KCNK2: variants seen among roughly 807,000 people sequenced by gnomAD.
The protein encoded by KCNK2 is potassium channel subfamily K member 2.
KCNK2 carries 21 observed loss-of-function variants against 40.5 expected under a neutral mutation model. The ratio of observed to expected loss-of-function variants is 0.52; its 90% confidence interval spans 0.37 to 0.75. KCNK2 has a LOEUF of 0.75. Ranked by LOEUF, KCNK2 falls within the 30% of genes least tolerant of loss-of-function variation. KCNK2 has a pLI of 0.00. For synonymous variants in KCNK2, 191 were observed against 202.2 expected, an observed-to-expected ratio of 0.94 and a Z score of 0.47; for missense variants, 399 against 531.6, an observed-to-expected ratio of 0.75 and a Z score of 2.45.
chr1:215,049,430 C>T (rs1657902594), intron 1 of KCNK2, among the ~76,000 whole-genome samples: 1 of 152,118 alleles, frequency 6.6e-6, no homozygotes, highest in South Asian at 2.1e-4. Flanking sequence ...ATATTTCCTT[C>T]CAGTCTGTGG....
rs1298200508 is a variant in KCNK2 at position 215,121,647 on chromosome 1, CT to C, written c.358-2981del. On this transcript the variant is annotated intron_variant, in intron 2 of 6. Transcript: ENST00000444842. ...AAAAAATACATAATAATGTGTCTCA[CT>C]TTTTGAGTTTACAATGAAGTCTGCC... Among the ~76,000 whole-genome samples the C allele has an allele frequency of 3.9e-5, 6 of 152,248 alleles. No homozygotes were observed. In the East Asian group the frequency reaches 1.2e-3, roughly 29 times the overall value.
intron 1 of KCNK2, among the ~76,000 whole-genome samples, chr1:215,077,631 G>A (rs991166705): frequency 6.6e-6 from 1 of 151,814 alleles, no homozygotes; most frequent in African/African-American, 2.4e-5. Context: ...CACCTGACCT[G>A]GTTTCTACCT....
At chr1:215,177,941 G>A (rs1299786248) in intron 5 of KCNK2, among the ~76,000 whole-genome samples, 2 of 151,254 alleles carry the variant, frequency 1.3e-5, no homozygotes, top group Non-Finnish European at 3.0e-5. Flanking sequence ...AATAGAAATA[G>A]CGTTGAGTCT....
At chr1:215,150,177 C>A (rs1366892672) in intron 3 of KCNK2, among the ~76,000 whole-genome samples, 1 of 151,958 alleles carries the variant, frequency 6.6e-6, no homozygotes, top group African/African-American at 2.4e-5. Context: ...ATATCTAACC[C>A]AAGTAACAAC....
chr1:215,023,407 A>G (rs754557444), intron 1 of KCNK2, among the ~76,000 whole-genome samples: 1 of 152,170 alleles, frequency 6.6e-6, no homozygotes, highest in Non-Finnish European at 1.5e-5. Context: ...TTAATGAATC[A>G]CCTTTTAAAA....
chr1:215,120,038 G>C (rs531680519), intron 2 of KCNK2, among the ~76,000 whole-genome samples: 1 of 152,228 alleles, frequency 6.6e-6, no homozygotes, highest in South Asian at 2.1e-4. Flanking sequence ...CCTCATGGTA[G>C]ACTCATTCTC....
chr1:215,009,830 T>A (rs1656314550), intron 1 of KCNK2, among the ~76,000 whole-genome samples: 1 of 152,178 alleles, frequency 6.6e-6, no homozygotes, highest in Admixed American at 6.5e-5. Flanking sequence ...GAATTCTCTG[T>A]CTTCTCTACT....
intron 3 of KCNK2, among the ~76,000 whole-genome samples, chr1:215,150,313 G>A (rs1248976704): frequency 6.6e-6 from 1 of 152,120 alleles, no homozygotes; most frequent in Non-Finnish European, 1.5e-5. Flanking sequence ...TAACTTATTT[G>A]TATTCTATTT....
At chr1:215,215,298 CTT>C (rs980013916) in intron 6 of KCNK2, among the ~76,000 whole-genome samples, 14 of 151,884 alleles carry the variant, frequency 9.2e-5, no homozygotes, top group Admixed American at 4.6e-4. Flanking sequence ...TCCTCTGCCT[CTT>C]GTCTCCTTCT....
chr1:215,012,885 A>G (rs1221132695), intron 1 of KCNK2, among the ~76,000 whole-genome samples: 1 of 152,004 alleles, frequency 6.6e-6, no homozygotes, highest in Non-Finnish European at 1.5e-5. Flanking sequence ...TTGATAAAGA[A>G]CAATTGATGA....
intron 5 of KCNK2, among the ~76,000 whole-genome samples, chr1:215,172,540 A>T (rs1192678946): frequency 6.6e-6 from 1 of 152,166 alleles, no homozygotes; most frequent in Non-Finnish European, 1.5e-5. Flanking sequence ...CTCTGCAGCC[A>T]AATTCCCTTC....
chr1:215,110,068 T>C (rs1660613685), intron 2 of KCNK2, among the ~76,000 whole-genome samples: 1 of 152,106 alleles, frequency 6.6e-6, no homozygotes, highest in Admixed American at 6.6e-5. Flanking sequence ...AATGGGATTA[T>C]TTAGTGTTTG....
At chr1:215,113,078 A>G (rs4300189) in intron 2 of KCNK2, among the ~76,000 whole-genome samples, 116,815 of 152,106 alleles carry the variant, frequency 0.77, 45,167 homozygotes, top group Non-Finnish European at 0.79. Flanking sequence ...TGAGTAGTTA[A>G]CATTATACTG....
chr1:215,164,430 A>G (rs1033433383), intron 3 of KCNK2, among the ~76,000 whole-genome samples: 5 of 151,582 alleles, frequency 3.3e-5, no homozygotes, highest in African/African-American at 1.2e-4. Flanking sequence ...TTCTGCTCTG[A>G]TCTTAGTTAT....
intron 1 of KCNK2, among the ~76,000 whole-genome samples, chr1:215,022,091 C>G (rs990659206): frequency 6.6e-6 from 1 of 151,948 alleles, no homozygotes; most frequent in Non-Finnish European, 1.5e-5. Flanking sequence ...AGCCAATTGC[C>G]ACAATAAATC....
chr1:215,230,900 T>C (rs950715775), intron 6 of KCNK2, among the ~76,000 whole-genome samples: 1 of 152,116 alleles, frequency 6.6e-6, no homozygotes, highest in African/African-American at 2.4e-5. Context: ...TACCAGCCTC[T>C]GACAGAAATT....
chr1:215,064,703 T>A (rs1658479063), intron 1 of KCNK2, among the ~76,000 whole-genome samples: 1 of 152,196 alleles, frequency 6.6e-6, no homozygotes, highest in Admixed American at 6.5e-5. Flanking sequence ...TTCAGGGAGC[T>A]GAGAAACAGG....
rs368426350 is a variant in KCNK2, at chr1:215,117,280, A to G, written c.358-7353A>G. Among the ~76,000 whole-genome samples, 93 of 152,196 alleles carry G rather than the reference A, an allele frequency of 6.1e-4. 1 individual carries two copies. The South Asian group carries it at 0.019, about 31-fold the overall frequency. On this transcript the variant is annotated intron_variant, in intron 2 of 6. Transcript: ENST00000444842. ...CTTAAATATTAAATAGTATCTCTGG[A>G]TCTCTCAGATGTATGCAAAAATGGA...
intron 3 of KCNK2, among the ~76,000 whole-genome samples, chr1:215,155,199 TA>T (rs1662862730): frequency 6.6e-6 from 1 of 152,164 alleles, no homozygotes; most frequent in Non-Finnish European, 1.5e-5. Flanking sequence ...TCAACTCTTT[TA>T]AAATGACTTA....
Sources: allele counts gnomAD v4.1 joint callset (sites outside exome capture counted in the v4.1 genomes callset), GRCh38; gene constraint gnomAD v4.1.1; transcripts MANE v1.5; gene names NCBI Gene and HGNC (gene_info 2026-07-23, HGNC 2026-07-21).